The following TVP23A variants were observed in gnomAD, a reference collection of about 807,000 sequenced individuals.
TVP23A encodes trans-golgi network vesicle protein 23 homolog A.
A neutral mutation model predicts 31.7 loss-of-function variants in TVP23A; 21 were observed. The observed-to-expected ratio is 0.66, with a 90% CI of 0.47 to 0.95. The LOEUF (loss-of-function observed/expected upper bound fraction) is 0.95. Ranked by LOEUF, TVP23A falls within the 40% of genes least tolerant of loss-of-function variation. TVP23A has a pLI of 0.00. For missense variants in TVP23A, 279 were observed against 255.6 expected, an observed-to-expected ratio of 1.09 and a Z score of -0.62; for synonymous variants, 104 against 96.0, an observed-to-expected ratio of 1.08 and a Z score of -0.49.
intron 2 of TVP23A, among the ~76,000 whole-genome samples, chr16:10,778,012 A>AAAAAAT (rs1189094221): frequency 2.6e-4 from 40 of 151,664 alleles, no homozygotes; most frequent in African/African-American, 9.5e-4. Flanking sequence ...TCCGTCTCAA[A>AAAAAAT]AAAAATAAAA....
rs2032087719 is a variant in TVP23A, at chr16:10,777,164, A to G, written c.90-2068T>C. ...TGGATGAGAATGAAACCCGCACCTCAGGGCAGGGGAGGAAAAGGGAGGGAT... is the reference window on the plus strand; with the variant it reads ...TGGATGAGAATGAAACCCGCACCTCGGGGCAGGGGAGGAAAAGGGAGGGAT... On this transcript the variant is annotated intron_variant, in intron 2 of 7. Transcript: ENST00000299866. This position sits in a 1 kb window ranked among gnomAD's most constrained non-coding sequence, Gnocchi z 4.5. 1.3e-5 allele frequency among the ~76,000 whole-genome samples: 2 copies of G among 152,110 alleles called. No individual in the cohort carries two copies. The highest frequency in any genetic ancestry group is 2.9e-5 in the Non-Finnish European group (2 of 68,024).
At chr16:10,785,450 T>A (rs904101464) in intron 2 of TVP23A, among the ~76,000 whole-genome samples, 2 of 151,620 alleles carry the variant, frequency 1.3e-5, no homozygotes, top group Admixed American at 6.6e-5. Context: ...GACATAGGTA[T>A]GAAGCTCTGT....
intron 2 of TVP23A, among the ~76,000 whole-genome samples, chr16:10,789,853 A>G (rs1035541160): frequency 2.6e-5 from 4 of 151,410 alleles, no homozygotes; most frequent in Non-Finnish European, 5.9e-5. Flanking sequence ...AAAAGGTACA[A>G]TGTTACATTT....
In TVP23A at chr16:10,777,794, G is replaced by A. The variant is rs949983188; in HGVS notation, c.90-2698C>T. 5.3e-5 allele frequency among the ~76,000 whole-genome samples: 8 copies of A among 151,602 alleles called. No homozygotes were observed. Among genetic ancestry groups the A allele is most frequent in the East Asian group, 2.0e-4 (1 of 5,102 alleles). On this transcript the variant is annotated intron_variant, in intron 2 of 7. Transcript: ENST00000299866. The surrounding 1 kb of genome is among the most constrained non-coding windows in gnomAD (Gnocchi z 4.5). ...TGGGAGGCTGAGGCAGGTGGATCAC[G>A]AGGTCAAGAGACTGAGACCATCCCT... is the stretch of plus-strand genomic sequence containing the variant.
At chr16:10,802,982 T>C (rs1360884649) in intron 2 of TVP23A, among the ~76,000 whole-genome samples, 1 of 152,002 alleles carries the variant, frequency 6.6e-6, no homozygotes, top group Non-Finnish European at 1.5e-5. Flanking sequence ...AAACATTGAG[T>C]TTAATAAATT....
chr16:10,775,072 G>C lies in TVP23A; in HGVS notation c.114C>G (p.His38Gln), dbSNP rs1040980146. 5 of 1,610,006 alleles carry C rather than the reference G, an allele frequency of 3.1e-6. No individual in the cohort carries two copies. Among genetic ancestry groups the C allele is most frequent in the Non-Finnish European group, 4.2e-6 (5 of 1,178,182 alleles). ...CGATGGCACTCACTCGGAAAAACAGGTGGAAAAAGGTGGCCAAGGGGTGTC... is the reference window on the plus strand; with the variant it reads ...CGATGGCACTCACTCGGAAAAACAGCTGGAAAAAGGTGGCCAAGGGGTGTC... ...KIRHPLATFF[H>Q]LFFRVSAIVT... is the part of the protein sequence containing the mutation. The change falls in exon 3 of 8, where the codon CAC becomes CAG. Residue 38 changes from histidine (H) to glutamine (Q), a missense_variant. Transcript: ENST00000299866.
intron 2 of TVP23A, among the ~76,000 whole-genome samples, chr16:10,787,377 C>G (rs547113424): frequency 2.5e-4 from 38 of 152,250 alleles, no homozygotes; most frequent in Middle Eastern, 3.4e-3. Context: ...CAGGTGAAGG[C>G]CAACAGCTGT....
chr16:10,757,763 A>C (rs1255327353), downstream of TVP23A: 1 of 1,377,342 alleles, frequency 7.3e-7, no homozygotes, highest in Non-Finnish European at 9.9e-7. The surrounding 1 kb of genome is among the most constrained non-coding windows in gnomAD (Gnocchi z 4.1). Flanking sequence ...CAGAGTTAAG[A>C]GCCAACCTGG....
downstream of TVP23A, among the ~76,000 whole-genome samples, chr16:10,764,548 T>TGTCTATTG (rs2030558489): frequency 6.7e-6 from 1 of 148,330 alleles, no homozygotes. Context: ...CTGGAGTATT[T>TGTCTATTG]GTCTATTGGA....
chr16:10,809,520 G>A (rs968994140), intron 2 of TVP23A, among the ~76,000 whole-genome samples: 13 of 152,248 alleles, frequency 8.5e-5, no homozygotes, highest in Admixed American at 2.0e-4. Context: ...TTTGGCTCTC[G>A]CCTGTGGCAG....
chr16:10,804,656 G>C (rs1261996391), intron 2 of TVP23A, among the ~76,000 whole-genome samples: 3 of 152,160 alleles, frequency 2.0e-5, no homozygotes, highest in African/African-American at 7.2e-5. Context: ...TGAGGGGGGA[G>C]GATCGCTTGA....
At chr16:10,764,694 T>C (rs180786664), downstream of TVP23A, among the ~76,000 whole-genome samples, 657 of 151,684 alleles carry the variant, frequency 4.3e-3, 4 homozygotes, top group Middle Eastern at 0.021. Context: ...AGTAGGTCTA[T>C]TGGAGCATCT....
chr16:10,802,903 G>A (rs1002938560), intron 2 of TVP23A, among the ~76,000 whole-genome samples: 2 of 152,118 alleles, frequency 1.3e-5, no homozygotes, highest in African/African-American at 2.4e-5. Flanking sequence ...TTTAAATTGC[G>A]CAAGGATACA....
rs116814592 is a variant in TVP23A, at chr16:10,808,072, T to C, written c.89+10031A>G. Reference sequence around the variant, plus strand: ...ATTGAGCAAGTCACTCAGCTCTCTCTGTTAGCTTCAGTCTTTTTAATCTTG... The same window carrying C: ...ATTGAGCAAGTCACTCAGCTCTCTCCGTTAGCTTCAGTCTTTTTAATCTTG... On this transcript the variant is annotated intron_variant, in intron 2 of 7. Transcript: ENST00000299866. Among the ~76,000 whole-genome samples, 807 of 152,332 alleles carry C rather than the reference T, an allele frequency of 5.3e-3. 9 individuals are homozygous for C. The highest frequency in any genetic ancestry group is 0.019 in the African/African-American group (775 of 41,566).
chr16:10,810,530 G>C (rs1373347225), intron 2 of TVP23A, among the ~76,000 whole-genome samples: 1 of 145,594 alleles, frequency 6.9e-6, no homozygotes, highest in African/African-American at 2.6e-5. Flanking sequence ...CTGGGTGACA[G>C]AGCAAGACCC....
chr16:10,804,527 T>G (rs1406420494), intron 2 of TVP23A, among the ~76,000 whole-genome samples: 1 of 152,188 alleles, frequency 6.6e-6, no homozygotes, highest in Non-Finnish European at 1.5e-5. Context: ...GCAAGAGGAT[T>G]GCCTGAGGCC....
chr16:10,816,459 G>C (rs1408426538), intron 2 of TVP23A, among the ~76,000 whole-genome samples: 1 of 151,952 alleles, frequency 6.6e-6, no homozygotes, highest in Admixed American at 6.6e-5. Context: ...CCAGCCTCCT[G>C]AGTGGCTGAG....
chr16:10,809,792 T>C (rs11859315), intron 2 of TVP23A, among the ~76,000 whole-genome samples: 2,912 of 152,194 alleles, frequency 0.019, 106 homozygotes, highest in African/African-American at 0.067. Context: ...CCAAGGCAGC[T>C]GGAAACCCAC....
downstream of TVP23A, among the ~76,000 whole-genome samples, chr16:10,766,405 A>T (rs1338409502): frequency 6.6e-6 from 1 of 152,112 alleles, no homozygotes; most frequent in African/African-American, 2.4e-5. This position sits in a 1 kb window ranked among gnomAD's most constrained non-coding sequence, Gnocchi z 4.8. Context: ...CCAGGGGGAA[A>T]TGCAGTTAGG....
Sources: allele counts gnomAD v4.1 joint callset (sites outside exome capture counted in the v4.1 genomes callset), GRCh38; gene constraint gnomAD v4.1.1; non-coding constraint Gnocchi (gnomAD v3.1); transcripts MANE v1.5; gene names NCBI Gene and HGNC (gene_info 2026-07-23, HGNC 2026-07-21).